DISP3: variants seen among roughly 807,000 people sequenced by gnomAD.
The protein encoded by DISP3 is dispatched RND transporter family member 3, also known as protein dispatched homolog 3.
In DISP3, 101 loss-of-function variants were observed where a neutral mutation model predicts 135.3. That is an observed-to-expected ratio of 0.75 (90% CI 0.64 to 0.88). The LOEUF is 0.88. Among genes scored for constraint, DISP3 ranks in the 40% least tolerant of loss-of-function variants. DISP3 has a pLI of 0.00. For missense variants in DISP3, 1,713 were observed against 1,878.6 expected, an observed-to-expected ratio of 0.91 and a Z score of 1.63; for synonymous variants, 856 against 817.0, an observed-to-expected ratio of 1.05 and a Z score of -0.81.
intron 3 of DISP3, among the ~76,000 whole-genome samples, chr1:11,512,923 G>A (rs1468537024): frequency 6.6e-6 from 1 of 152,086 alleles, no homozygotes; most frequent in African/African-American, 2.4e-5. Flanking sequence ...AAAAGCAAAA[G>A]CGGAAACCCC....
rs2745264 is a variant in DISP3, at chr1:11,515,663, C to T, written c.1588+160C>T. Reference sequence around the variant, plus strand: ...GCAGGGTTAGAATGTGGGTGGTGGGCGGATCCTTGGCATAGGGTGAGTGGA... The same window carrying T: ...GCAGGGTTAGAATGTGGGTGGTGGGTGGATCCTTGGCATAGGGTGAGTGGA... On this transcript the variant is annotated intron_variant, in intron 5 of 20. Coordinates refer to ENST00000294484, the MANE Select transcript of DISP3 (RefSeq NM_020780.2). Among the ~76,000 whole-genome samples, 182 of 152,210 alleles carry T rather than the reference C, an allele frequency of 1.2e-3. 1 individual carries two copies. Among genetic ancestry groups the T allele is most frequent in the African/African-American group, 4.2e-3 (175 of 41,520 alleles).
chr1:11,531,843 C>A lies in DISP3; in HGVS notation c.3375+133C>A. On this transcript the variant is annotated intron_variant, in intron 17 of 20. Transcript: ENST00000294484. This position sits in a 1 kb window ranked among gnomAD's most constrained non-coding sequence, Gnocchi z 5.2. ...AGAGGTGGAGTGACTTGCCTGAGGT[C>A]ACATAGTTAGTGGGTGTCAGTGTCG... 7.7e-7 allele frequency: 1 copy of A among 1,297,934 alleles called. No individual in the cohort carries two copies. Among genetic ancestry groups the A allele is most frequent in the Non-Finnish European group, 1.0e-6 (1 of 974,728 alleles). 80.4% of individuals were successfully genotyped at this position (1,297,934 alleles called of 1,614,324 possible).
Position 11,491,392 on chromosome 1 carries a change from G to A in DISP3, c.-3-9598G>A, listed in dbSNP as rs988811861. ...GGAGACTGGGGCAGAAAGATTGCTT[G>A]AGTTTGAGATCAGCCTGGGCAACCT... On this transcript the variant is annotated intron_variant, in intron 1 of 20. Coordinates refer to ENST00000294484, the MANE Select transcript of DISP3 (RefSeq NM_020780.2). This position sits in a 1 kb window ranked among gnomAD's most constrained non-coding sequence, Gnocchi z 4.3. Among the ~76,000 whole-genome samples, 1 of 152,164 alleles carries A rather than the reference G, an allele frequency of 6.6e-6. No homozygotes were observed. The highest frequency in any genetic ancestry group is 2.4e-5 in the African/African-American group (1 of 41,430).
rs369662315 is a variant in DISP3 at position 11,531,659 on chromosome 1, A to G, written c.3324A>G (p.Ala1108=). Residue 1108 remains alanine (A), a synonymous_variant, in exon 17 of 21, where the codon GCA becomes GCG. Transcript: ENST00000294484. This position sits in a 1 kb window ranked among gnomAD's most constrained non-coding sequence, Gnocchi z 5.2. ...TCCCGGGGCAGCTGTCCCACGGGGCAGTGGGCGTCAGGGAGGGCCGCGTGC... is the reference window on the plus strand; with the variant it reads ...TCCCGGGGCAGCTGTCCCACGGGGCGGTGGGCGTCAGGGAGGGCCGCGTGC... The part of the protein sequence containing the change: ...NLLPGQLSHG[A]VGVREGRVQW... 1 of 1,612,872 alleles carries G rather than the reference A, an allele frequency of 6.2e-7. No homozygotes were observed. Among genetic ancestry groups the G allele is most frequent in the Non-Finnish European group, 8.5e-7 (1 of 1,179,664 alleles).
chr1:11,509,438 A>G lies in DISP3; in HGVS notation c.1317-4952A>G, dbSNP rs932111091. On this transcript the variant is annotated intron_variant, in intron 3 of 20. Transcript: ENST00000294484. ...TTGATTGTGTTGTTCATGGTCTTCT[A>G]TATCCTTACTGATTTTCTGTCTAAT... Among the ~76,000 whole-genome samples, 6 of 152,276 alleles carry G rather than the reference A, an allele frequency of 3.9e-5. No individual in the cohort carries two copies. In the East Asian group the frequency reaches 1.2e-3, roughly 29 times the overall value.
chr1:11,534,747 G>T, intron 18 of DISP3: 1 of 794,940 alleles, frequency 1.3e-6, no homozygotes, highest in Non-Finnish European at 2.0e-6. Flanking sequence ...CTCTGATCTG[G>T]ACTTTGGCCA....
In DISP3 at chr1:11,520,879, C is replaced by T. The variant is rs72866412; in HGVS notation, c.2362+31C>T. Reference sequence around the variant, plus strand: ...GCTTCTAGCCAGGCTGTCCCTGGCCCGCTCAGGTGTCCGGGTCCCAAAGAC... The same window carrying T: ...GCTTCTAGCCAGGCTGTCCCTGGCCTGCTCAGGTGTCCGGGTCCCAAAGAC... On this transcript the variant is annotated intron_variant, in intron 10 of 20. Transcript: ENST00000294484. The surrounding 1 kb of genome is among the most constrained non-coding windows in gnomAD (Gnocchi z 4.8). 9.7e-4 allele frequency: 1,506 copies of T among 1,558,082 alleles called. 20 individuals carry two copies. In the African/African-American group the frequency reaches 0.017, roughly 18 times the overall value.
intron 3 of DISP3, among the ~76,000 whole-genome samples, chr1:11,505,424 G>A (rs1641668755): frequency 1.3e-5 from 2 of 152,202 alleles, no homozygotes; most frequent in East Asian, 1.9e-4. Flanking sequence ...GGACTTTCAC[G>A]GTTTTAGGTA....
Position 11,504,768 on chromosome 1 carries a change from C to A in DISP3, c.1316+1871C>A, listed in dbSNP as rs184222244. 6.6e-5 allele frequency among the ~76,000 whole-genome samples: 10 copies of A among 152,288 alleles called. No homozygotes were observed. In the East Asian group the frequency reaches 1.9e-3, roughly 29 times the overall value. On this transcript the variant is annotated intron_variant, in intron 3 of 20. Coordinates refer to ENST00000294484, the MANE Select transcript of DISP3 (RefSeq NM_020780.2). Reference sequence around the variant, plus strand: ...GCAGCACAAAAGCCTTCACCAGAAGCCAATGCCATGCTGTTGAACTTCCCA... The same window carrying A: ...GCAGCACAAAAGCCTTCACCAGAAGACAATGCCATGCTGTTGAACTTCCCA...
At position 11,503,041 on chromosome 1, in the gene DISP3, C is replaced by T. The variant is rs1478126685; in HGVS notation, c.1316+144C>T. 6.9e-6 allele frequency: 5 copies of T among 723,118 alleles called. No individual in the cohort carries two copies. The African/African-American group carries it at 7.2e-5, about 10-fold the overall frequency. 44.8% of individuals were successfully genotyped at this position (723,118 alleles called of 1,614,324 possible). On this transcript the variant is annotated intron_variant, in intron 3 of 20. Coordinates refer to ENST00000294484, the MANE Select transcript of DISP3 (RefSeq NM_020780.2). ...AAATTGGGGCAGAACCAAGTACATC[C>T]TTGCAGTCTCTCTGACAAATGGAAG...
At position 11,536,324 on chromosome 1, in the gene DISP3, G is replaced by A; in HGVS notation, c.3817G>A (p.Asp1273Asn). ...GENLPPHQAEDARTQRQWRTL... is the reference protein window; with the variant it reads ...GENLPPHQAENARTQRQWRTL... ...CTCCCAGCTCTCCTCTTGCCCCCAG[G>A]ACGCCCGAACGCAGCGCCAGTGGCG... The change falls in exon 21 of 21, where the codon GAC (aspartate) becomes AAC (asparagine). Residue 1273 changes from aspartate to asparagine, a missense_variant and splice_region_variant. Physicochemically the swap from Asp to Asn is conservative, Grantham distance 23 (BLOSUM62 1). Around this residue, in one of 2 missense-constraint regions of DISP3, gnomAD observed 1,142 missense variants for 1,384.6 expected, o/e 0.82. Transcript: ENST00000294484. The surrounding 1 kb of genome is among the most constrained non-coding windows in gnomAD (Gnocchi z 4.3). 1.3e-6 allele frequency: 2 copies of A among 1,596,526 alleles called. No individual in the cohort carries two copies. Among genetic ancestry groups the A allele is most frequent in the Non-Finnish European group, 1.7e-6 (2 of 1,177,342 alleles).
chr1:11,509,967 T>A (rs1570103901), intron 3 of DISP3, among the ~76,000 whole-genome samples: 1 of 152,110 alleles, frequency 6.6e-6, no homozygotes, highest in East Asian at 1.9e-4. Context: ...GGCGTGGTGG[T>A]GGGTGCCTGT....
rs1642516531 is a variant in DISP3 at position 11,529,504 on chromosome 1, C to A, written c.2799-52C>A. 2 of 1,521,992 alleles carry A rather than the reference C, an allele frequency of 1.3e-6. No homozygotes were observed. Among genetic ancestry groups the A allele is most frequent in the South Asian group, 2.6e-5 (2 of 77,918 alleles). 94.3% of individuals were successfully genotyped at this position (1,521,992 alleles called of 1,614,324 possible). The stretch of plus-strand genomic sequence containing the variant: ...CCCTGGCCTGCTGGCCTCACCTCCC[C>A]TGACTCCTCCTAGCCTTTCCGGCCT... On this transcript the variant is annotated intron_variant, in intron 13 of 20. Coordinates refer to ENST00000294484, the MANE Select transcript of DISP3 (RefSeq NM_020780.2). This position sits in a 1 kb window ranked among gnomAD's most constrained non-coding sequence, Gnocchi z 4.7.
intron 3 of DISP3, among the ~76,000 whole-genome samples, chr1:11,507,012 T>C (rs537618062): frequency 6.6e-6 from 1 of 152,288 alleles, no homozygotes; most frequent in East Asian, 1.9e-4. Context: ...TTCACTATGT[T>C]GCCCACACTG....
rs959750613 is a variant in DISP3, at chr1:11,520,584, G to T, written c.2201-103G>T. On this transcript the variant is annotated intron_variant, in intron 9 of 20. Transcript: ENST00000294484. This position sits in a 1 kb window ranked among gnomAD's most constrained non-coding sequence, Gnocchi z 4.8. ...CTTCCCCCGCACCCTTAGGACACCCGCCCCCCAACAACCAGAGCAGTTGTC... is the reference window on the plus strand; with the variant it reads ...CTTCCCCCGCACCCTTAGGACACCCTCCCCCCAACAACCAGAGCAGTTGTC... 11 of 1,356,586 alleles carry T rather than the reference G, an allele frequency of 8.1e-6. No individual in the cohort carries two copies. The highest frequency in any genetic ancestry group is 1.5e-5 in the African/African-American group (1 of 68,824). The allele number at this position is 1,356,586 out of a possible 1,614,324, so 84.0% of individuals were successfully genotyped here.
chr1:11,484,955 G>C (rs1165861126), intron 1 of DISP3, among the ~76,000 whole-genome samples: 3 of 152,154 alleles, frequency 2.0e-5, no homozygotes, highest in African/African-American at 7.2e-5. Context: ...CTGTGTGCCA[G>C]GTGTGGGCTT....
At chr1:11,479,400 CG>C (rs1640828120) in intron 1 of DISP3, 28 bp downstream of exon 1, 1 of 152,932 alleles carries the variant, frequency 6.5e-6, no homozygotes, top group Non-Finnish European at 1.5e-5. Flanking sequence ...GGGCGCCATC[CG>C]GGCTTGGTCT....
chr1:11,530,468 G>C (rs906477045), intron 15 of DISP3, among the ~76,000 whole-genome samples: 2 of 152,176 alleles, frequency 1.3e-5, no homozygotes, highest in Non-Finnish European at 2.9e-5. Flanking sequence ...CGGGGTACAC[G>C]GGAATGGCAG....
chr1:11,479,821 C>T (rs1365442166), intron 1 of DISP3, among the ~76,000 whole-genome samples: 1 of 152,194 alleles, frequency 6.6e-6, no homozygotes, highest in Non-Finnish European at 1.5e-5. Flanking sequence ...AGGCTAATGA[C>T]CCCCTCCACC....
Sources: gnomAD v4.1 joint callset for allele counts (sites outside exome capture counted in the v4.1 genomes callset) on GRCh38, gnomAD v4.1.1 for gene constraint, gnomAD v4.1.1 regional missense constraint, Gnocchi (gnomAD v3.1) non-coding constraint, MANE v1.5 for transcripts, NCBI Gene and HGNC (gene_info 2026-07-23, HGNC 2026-07-21) for gene names.